Variants in SFXN5 observed in about 807,000 individuals in gnomAD.
SFXN5 encodes the protein sideroflexin-5.
SFXN5 carries 43 observed loss-of-function variants against 50.2 expected under a neutral mutation model. That is an observed-to-expected ratio of 0.86 (90% CI 0.67 to 1.11). The LOEUF (loss-of-function observed/expected upper bound fraction) is 1.11. SFXN5 is among the 50% of genes least tolerant of loss of function. SFXN5 has a pLI of 0.00. For missense variants in SFXN5, 463 were observed against 454.1 expected, an observed-to-expected ratio of 1.02 and a Z score of -0.18; for synonymous variants, 203 against 185.8, an observed-to-expected ratio of 1.09 and a Z score of -0.75.
intron 10 of SFXN5, among the ~76,000 whole-genome samples, chr2:72,982,270 C>T (rs1030396436): frequency 6.6e-6 from 1 of 152,192 alleles, no homozygotes; most frequent in African/African-American, 2.4e-5. Flanking sequence ...GGGGTGGGCC[C>T]ATTGGTCATC....
At chr2:73,008,353 G>A (rs1475866815) in intron 6 of SFXN5, among the ~76,000 whole-genome samples, 1 of 152,066 alleles carries the variant, frequency 6.6e-6, no homozygotes, top group Non-Finnish European at 1.5e-5. Flanking sequence ...ACATGACATG[G>A]AGCGGGGAGA....
Position 72,967,021 on chromosome 2 carries a change from T to C in SFXN5, c.827+1427A>G, listed in dbSNP as rs1350800686. ...CTGAATATGCAAGAGGCAGCCAGTG[T>C]AGCTTGAAGAGACTAAGCTTTGCAG... is the stretch of plus-strand genomic sequence containing the variant. On this transcript the variant is annotated intron_variant, in intron 12 of 13. Transcript: ENST00000272433. Among the ~76,000 whole-genome samples, 7 of 152,350 alleles carry C rather than the reference T, an allele frequency of 4.6e-5. No homozygotes were observed. The East Asian group carries it at 1.3e-3, about 29-fold the overall frequency.
chr2:72,988,445 G>A lies in SFXN5; in HGVS notation c.535-97C>T, dbSNP rs142364939. The stretch of plus-strand genomic sequence containing the variant: ...AACTGGAGGAACATCAGAGAGTGAG[G>A]GATGTCATCTTTCCCCACAACTGCA... On this transcript the variant is annotated intron_variant, in intron 9 of 13. Coordinates refer to ENST00000272433, the MANE Select transcript of SFXN5 (RefSeq NM_144579.3). The A allele has an allele frequency of 2.2e-3, 2,362 of 1,050,536 alleles. 5 individuals are homozygous for A. The highest frequency in any genetic ancestry group is 5.8e-3 in the Middle Eastern group (22 of 3,812). The allele number at this position is 1,050,536 out of a possible 1,614,324, so 65.1% of individuals were successfully genotyped here.
intron 9 of SFXN5, chr2:72,996,507 G>GTTTTT (rs11447075): frequency 5.6e-5 from 7 of 125,376 alleles, no homozygotes; most frequent in Non-Finnish European, 6.5e-5. Context: ...GCTGAGTTTT[G>GTTTTT]TTTTTTTTTT....
chr2:73,050,187 C>T (rs1189017489), intron 2 of SFXN5, among the ~76,000 whole-genome samples: 1 of 152,148 alleles, frequency 6.6e-6, no homozygotes, highest in Non-Finnish European at 1.5e-5. Context: ...TGCATTCCTG[C>T]GGCTTTCCCA....
intron 6 of SFXN5, among the ~76,000 whole-genome samples, chr2:73,018,378 T>C (rs1252633560): frequency 1.3e-5 from 2 of 152,016 alleles, no homozygotes. Context: ...ATAGAGAAAC[T>C]GCTTTAAGGT....
At chr2:73,002,650 A>G (rs989036562) in intron 6 of SFXN5, among the ~76,000 whole-genome samples, 2 of 152,026 alleles carry the variant, frequency 1.3e-5, no homozygotes. Context: ...ATCATGTTTT[A>G]AACATTAAAA....
chr2:73,029,272 T>C (rs1372657002), intron 3 of SFXN5, among the ~76,000 whole-genome samples: 1 of 152,228 alleles, frequency 6.6e-6, no homozygotes, highest in Non-Finnish European at 1.5e-5. Flanking sequence ...CACCTGACTG[T>C]GTTCAGCCTC....
Position 72,943,455 on chromosome 2 carries a change from G to A in SFXN5, c.*1567C>T, listed in dbSNP as rs562798142. On this transcript the variant is annotated 3_prime_UTR_variant, in exon 14 of 14. Transcript: ENST00000272433. ...GAGGCTGGTGCTTCCCCCTGGTTTGGGCCTTTCAGATGAGGGGTCACCCTG... is the reference window on the plus strand; with the variant it reads ...GAGGCTGGTGCTTCCCCCTGGTTTGAGCCTTTCAGATGAGGGGTCACCCTG... The A allele has an allele frequency of 6.5e-6, 1 of 152,908 alleles. No individual in the cohort carries two copies. The highest frequency in any genetic ancestry group is 6.5e-5 in the Admixed American group (1 of 15,298). 9.5% of individuals were successfully genotyped at this position (152,908 alleles called of 1,614,324 possible). A position where few individuals can be genotyped will look rare whatever the true frequency, so the allele number is the denominator to read the frequency against.
chr2:73,050,101 G>C (rs1267514629), intron 2 of SFXN5, among the ~76,000 whole-genome samples: 1 of 152,118 alleles, frequency 6.6e-6, no homozygotes, highest in Non-Finnish European at 1.5e-5. Context: ...GCAGGAGTTA[G>C]GCCCCCAAGG....
chr2:73,065,530 C>G (rs901162290), intron 1 of SFXN5, among the ~76,000 whole-genome samples: 1 of 152,150 alleles, frequency 6.6e-6, no homozygotes, highest in African/African-American at 2.4e-5. Flanking sequence ...TCCTGAGTAG[C>G]TGGGATTATA....
chr2:73,066,833 C>G (rs1683212791), intron 1 of SFXN5, among the ~76,000 whole-genome samples: 1 of 150,764 alleles, frequency 6.6e-6, no homozygotes, highest in African/African-American at 2.4e-5. Context: ...AGACACCTGT[C>G]TCTACAAAAA....
At chr2:73,059,629 C>G in intron 1 of SFXN5, 6 of 886,190 alleles carry the variant, frequency 6.8e-6, no homozygotes, top group Non-Finnish European at 8.0e-6. Flanking sequence ...CATGGCACCC[C>G]TGCATGAAGC....
intron 2 of SFXN5, chr2:73,057,997 A>G (rs1682360388): frequency 6.6e-6 from 1 of 152,390 alleles, no homozygotes; most frequent in Non-Finnish European, 1.5e-5. Context: ...AGACCGGACT[A>G]ATACAACTGT....
Position 73,063,581 on chromosome 2 carries a change from T to C in SFXN5, c.103-4985A>G, listed in dbSNP as rs114198307. ...AGAAACGTTGTGACCAGAAACCCCTTATTTGCAGCTATGGGTTGATTCTCC... is the reference window on the plus strand; with the variant it reads ...AGAAACGTTGTGACCAGAAACCCCTCATTTGCAGCTATGGGTTGATTCTCC... On this transcript the variant is annotated intron_variant, in intron 1 of 13. Transcript: ENST00000272433. Among the ~76,000 whole-genome samples, 441 of 152,248 alleles carry C rather than the reference T, an allele frequency of 2.9e-3. 1 individual carries two copies. Among genetic ancestry groups the C allele is most frequent in the African/African-American group, 0.01 (419 of 41,528 alleles).
intron 11 of SFXN5, among the ~76,000 whole-genome samples, chr2:72,969,880 G>C (rs1387649045): frequency 3.9e-5 from 6 of 152,038 alleles, no homozygotes; most frequent in African/African-American, 1.2e-4. Flanking sequence ...GCCTCCCAAG[G>C]GATTCCTGGG....
intron 10 of SFXN5, among the ~76,000 whole-genome samples, chr2:72,972,748 C>A (rs1420556776): frequency 2.0e-5 from 3 of 152,230 alleles, no homozygotes; most frequent in East Asian, 1.9e-4. Context: ...CTCCTCCCCC[C>A]AAAGCGCCTT....
intron 9 of SFXN5, among the ~76,000 whole-genome samples, chr2:72,993,174 T>A (rs1672817981): frequency 6.6e-6 from 1 of 152,042 alleles, no homozygotes; most frequent in Non-Finnish European, 1.5e-5. Flanking sequence ...TAGATAATAA[T>A]GTAACCAAGG....
chr2:73,071,638 G>A lies in SFXN5; in HGVS notation c.68C>T (p.Pro23Leu). 11 of 1,613,838 alleles carry A rather than the reference G, an allele frequency of 6.8e-6. No homozygotes were observed. The highest frequency in any genetic ancestry group is 8.5e-6 in the Non-Finnish European group (10 of 1,179,932). ...GCGGGGTTTGCCCAGTTGGAAAGGA[G>A]GTGCATCGCTCGAGGCGCTAGCGGC... ...ASAASASSDA[P>L]PFQLGKPRFQ... is the part of the protein sequence containing the mutation. The change falls in exon 1 of 14, where the codon CCT (proline) becomes CTT (leucine). Residue 23 changes from proline (P) to leucine (L), a missense_variant. By Grantham distance (98) the Pro-to-Leu change is moderately conservative (BLOSUM62 -3). Transcript: ENST00000272433.
Sources: gnomAD v4.1 joint callset for allele counts (sites outside exome capture counted in the v4.1 genomes callset) on GRCh38, gnomAD v4.1.1 for gene constraint, MANE v1.5 for transcripts, NCBI Gene and HGNC (gene_info 2026-07-23, HGNC 2026-07-21) for gene names.